Variants in PTPRN2 observed in about 807,000 individuals in gnomAD.
The protein encoded by PTPRN2 is protein tyrosine phosphatase receptor type N2.
PTPRN2 carries 74 observed loss-of-function variants against 118.8 expected under a neutral mutation model. The observed-to-expected ratio is 0.62, with a 90% CI of 0.52 to 0.76. The LOEUF is 0.76. Ranked by LOEUF, PTPRN2 falls within the 30% of genes least tolerant of loss-of-function variation. PTPRN2 has a pLI of 0.00. For missense variants in PTPRN2, 1,481 were observed against 1,394.4 expected, an observed-to-expected ratio of 1.06 and a Z score of -0.99; for synonymous variants, 641 against 608.0, an observed-to-expected ratio of 1.05 and a Z score of -0.80.
intron 3 of PTPRN2, among the ~76,000 whole-genome samples, chr7:158,296,118 C>T (rs1215161610): frequency 1.3e-5 from 2 of 152,074 alleles, no homozygotes; most frequent in Non-Finnish European, 2.9e-5. Flanking sequence ...GTTTTTGTGC[C>T]CAAATGTTGC....
At chr7:158,089,656 G>A (rs200565154) in intron 10 of PTPRN2, among the ~76,000 whole-genome samples, 2,407 of 39,192 alleles carry the variant, frequency 0.061, 22 homozygotes, top group Middle Eastern at 0.15. Flanking sequence ...CTGATGAAAG[G>A]GGGAGTCTTC....
chr7:157,802,403 A>G (rs1196017078), intron 12 of PTPRN2, among the ~76,000 whole-genome samples: 3 of 152,176 alleles, frequency 2.0e-5, no homozygotes, highest in Non-Finnish European at 4.4e-5. Context: ...GTTGTTGCAG[A>G]TGGCAGGTTG....
rs1034273572 is a variant in PTPRN2 at position 157,986,843 on chromosome 7, G to A, written c.1724-88106C>T. Among the ~76,000 whole-genome samples the A allele has an allele frequency of 6.6e-5, 10 of 152,048 alleles. No individual in the cohort carries two copies. Among genetic ancestry groups the A allele is most frequent in the Non-Finnish European group, 1.0e-4 (7 of 68,004 alleles). On this transcript the variant is annotated intron_variant, in intron 11 of 22. Transcript: ENST00000389418. The surrounding 1 kb of genome is among the most constrained non-coding windows in gnomAD (Gnocchi z 4.5). ...TGCCCACCCACTGACAGGAGCTGCC[G>A]GTTTCTGACCCACTCCACCCCTCCT...
At chr7:158,367,447 C>T (rs1359776702) in intron 2 of PTPRN2, among the ~76,000 whole-genome samples, 2 of 152,204 alleles carry the variant, frequency 1.3e-5, no homozygotes, top group African/African-American at 2.4e-5. Flanking sequence ...CCACGGCCAT[C>T]ATGGGCAGGA....
intron 14 of PTPRN2, among the ~76,000 whole-genome samples, chr7:157,642,826 A>AAAAAAG: frequency 7.2e-6 from 1 of 138,368 alleles, no homozygotes; most frequent in Admixed American, 7.1e-5. Flanking sequence ...AAAAAAAAAA[A>AAAAAAG]AAAAAAAAAA....
At chr7:157,910,363 A>C (rs1798026813) in intron 11 of PTPRN2, among the ~76,000 whole-genome samples, 1 of 148,676 alleles carries the variant, frequency 6.7e-6, no homozygotes, top group East Asian at 2.0e-4. Flanking sequence ...AGGATCAGGC[A>C]CGTACGCCGG....
rs1289318761 is a variant in PTPRN2 at position 158,015,292 on chromosome 7, G to A, written c.1723+66006C>T. Among the ~76,000 whole-genome samples the A allele has an allele frequency of 6.6e-6, 1 of 152,162 alleles. No homozygotes were observed. The highest frequency in any genetic ancestry group is 6.5e-5 in the Admixed American group (1 of 15,274). On this transcript the variant is annotated intron_variant, in intron 11 of 22. Coordinates refer to ENST00000389418, the MANE Select transcript of PTPRN2 (RefSeq NM_002847.5). This position sits in a 1 kb window ranked among gnomAD's most constrained non-coding sequence, Gnocchi z 4.2. The stretch of plus-strand genomic sequence containing the variant: ...ACTTCTCTAAGCCATTATACCTTTA[G>A]TTCCCTCTTCCCCACTTGTTCTCTG...
intron 3 of PTPRN2, among the ~76,000 whole-genome samples, chr7:158,314,680 T>TCTCC (rs71198600): frequency 0.94 from 142,710 of 152,244 alleles, 66,953 homozygotes; most frequent in Non-Finnish European, 0.96. Flanking sequence ...CACACGCGTT[T>TCTCC]CTCTCAACCC....
chr7:158,000,987 CCACAGG>C (rs1585177516), intron 11 of PTPRN2, among the ~76,000 whole-genome samples: 1 of 1,094 alleles, frequency 9.1e-4, no homozygotes, highest in East Asian at 0.071. Flanking sequence ...TGGTGTCTGG[CCACAGG>C]TGGGGTGCAG....
rs568892417 is a variant in PTPRN2 at position 158,357,388 on chromosome 7, G to C, written c.164-40456C>G. 1.2e-4 allele frequency among the ~76,000 whole-genome samples: 19 copies of C among 152,358 alleles called. No individual in the cohort carries two copies. The South Asian group carries it at 3.5e-3, about 28-fold the overall frequency. On this transcript the variant is annotated intron_variant, in intron 2 of 22. Coordinates refer to ENST00000389418, the MANE Select transcript of PTPRN2 (RefSeq NM_002847.5). ...TTCAGGGGTGGTTTTGACTCTTTCT[G>C]TGGAGGTGACAGGAGGTGCCTCCAT...
chr7:157,748,556 C>A (rs545787245), intron 12 of PTPRN2, among the ~76,000 whole-genome samples: 13 of 148,452 alleles, frequency 8.8e-5, no homozygotes, highest in Non-Finnish European at 1.5e-4. Context: ...GATTCTGAGG[C>A]CTGCGTCCCT....
At chr7:158,314,016 C>T (rs1002078317) in intron 3 of PTPRN2, among the ~76,000 whole-genome samples, 37 of 152,092 alleles carry the variant, frequency 2.4e-4, no homozygotes, top group Admixed American at 1.8e-3. Context: ...GGCAGGGCCC[C>T]GGAGCCCTTG....
intron 13 of PTPRN2, among the ~76,000 whole-genome samples, chr7:157,675,062 C>G (rs957988043): frequency 6.7e-6 from 1 of 148,310 alleles, no homozygotes; most frequent in Admixed American, 6.6e-5. Flanking sequence ...TCCTGGTACC[C>G]GCCTGCTGGA....
At position 157,645,975 on chromosome 7, in the gene PTPRN2, C is replaced by T. The variant is rs191098536; in HGVS notation, c.2196+10382G>A. ...AGCTGCTTTTGAAAAAGGTGCAAGA[C>T]GTAAGGGCTAAAATCTTTCAGTTTA... On this transcript the variant is annotated intron_variant, in intron 14 of 22. Coordinates refer to ENST00000389418, the MANE Select transcript of PTPRN2 (RefSeq NM_002847.5). Among the ~76,000 whole-genome samples, 184 of 152,330 alleles carry T rather than the reference C, an allele frequency of 1.2e-3. 1 individual carries two copies. Among genetic ancestry groups the T allele is most frequent in the African/African-American group, 3.2e-3 (132 of 41,584 alleles).
intron 2 of PTPRN2, among the ~76,000 whole-genome samples, chr7:158,327,317 T>C (rs1456365611): frequency 6.7e-6 from 1 of 149,382 alleles, no homozygotes; most frequent in African/African-American, 2.5e-5. Context: ...ACATACACAT[T>C]CTCACATGCA....
intron 2 of PTPRN2, among the ~76,000 whole-genome samples, chr7:158,415,656 CCCCCA>C (rs1054461475): frequency 2.6e-5 from 4 of 152,064 alleles, no homozygotes; most frequent in African/African-American, 9.7e-5. Flanking sequence ...AGGACTTGTC[CCCCCA>C]CCCCACCCTA....
chr7:158,146,979 TC>T (rs1563510407), intron 6 of PTPRN2, among the ~76,000 whole-genome samples: 8 of 96,178 alleles, frequency 8.3e-5, no homozygotes, highest in African/African-American at 2.9e-4. Flanking sequence ...ACGCCACGTG[TC>T]TTTCCCCCTC....
intron 6 of PTPRN2, among the ~76,000 whole-genome samples, chr7:158,146,994 G>A (rs1251954719): frequency 1.9e-5 from 1 of 52,004 alleles, no homozygotes; most frequent in African/African-American, 8.6e-5. Context: ...CCCCCTCAAT[G>A]ACACCCCATC....
chr7:157,805,289 C>CTG (rs57161533), intron 12 of PTPRN2, among the ~76,000 whole-genome samples: 18,216 of 148,348 alleles, frequency 0.12, 1,447 homozygotes, highest in East Asian at 0.25. Flanking sequence ...ATATATACTC[C>CTG]TGTGTGTGTG....
Sources: gnomAD v4.1 joint callset for allele counts (sites outside exome capture counted in the v4.1 genomes callset) on GRCh38, gnomAD v4.1.1 for gene constraint, Gnocchi (gnomAD v3.1) non-coding constraint, MANE v1.5 for transcripts, NCBI Gene and HGNC (gene_info 2026-07-23, HGNC 2026-07-21) for gene names.